FGF13: variants seen among roughly 807,000 people sequenced by gnomAD.
The protein encoded by FGF13 is fibroblast growth factor 13.
A neutral mutation model predicts 19.5 loss-of-function variants in FGF13; 2 were observed. The ratio of observed to expected loss-of-function variants is 0.10; its 90% CI spans 0.04 to 0.32. The LOEUF (loss-of-function observed/expected upper bound fraction) is 0.32, where lower values mean the gene tolerates loss of function less well. Ranked by LOEUF, FGF13 falls within the 10% of genes least tolerant of loss-of-function variation. FGF13 has a pLI of 1.00. For missense variants in FGF13, 113 were observed against 192.7 expected (o/e 0.59, Z 2.45); for synonymous variants, 72 against 76.9 (o/e 0.94, Z 0.33).
At chrX:138,878,319 A>T (rs1385150268) in intron 1 of FGF13, among the ~76,000 whole-genome samples, 1 of 68,569 alleles carries the variant, frequency 1.5e-5, no homozygotes, top group Non-Finnish European at 2.6e-5. Context: ...ACCCCACAAC[A>T]GTCCCCAGAG....
At chrX:139,204,626 A>G (rs1192273286), upstream of FGF13, among the ~76,000 whole-genome samples, 2 of 113,053 alleles carry the variant, frequency 1.8e-5, no homozygotes, top group African/African-American at 6.4e-5. Flanking sequence ...GCGGGCCGCC[A>G]ACTCGATCAA....
intron 2 of FGF13, among the ~76,000 whole-genome samples, chrX:138,705,883 C>G: frequency 8.9e-6 from 1 of 112,565 alleles, no homozygotes; most frequent in Non-Finnish European, 1.9e-5. Context: ...AAAACACATT[C>G]ATTAAATACC....
At chrX:138,742,785 T>C (rs759339190), upstream of FGF13, among the ~76,000 whole-genome samples, 1 of 112,144 alleles carries the variant, frequency 8.9e-6, no homozygotes, top group African/African-American at 3.2e-5. Flanking sequence ...GATTTAATCA[T>C]TTCCTATTAA....
intron 1 of FGF13, among the ~76,000 whole-genome samples, chrX:139,106,055 G>T (rs2083557908): frequency 8.9e-6 from 1 of 112,197 alleles, no homozygotes; most frequent in African/African-American, 3.2e-5. Context: ...GAGATAGAGT[G>T]ACACTGCATG....
At chrX:139,123,185 C>T (rs2124473351) in intron 1 of FGF13, among the ~76,000 whole-genome samples, 1 of 111,785 alleles carries the variant, frequency 8.9e-6, no homozygotes, top group South Asian at 3.8e-4. Context: ...ACCTCTGCCT[C>T]CCACAAGTTT....
In FGF13 at chrX:138,960,134, C is replaced by T. The variant is rs769830969; in HGVS notation, c.-112-95484G>A. Among the ~76,000 whole-genome samples the T allele has an allele frequency of 1.3e-4, 14 of 111,790 alleles. No individual in the cohort carries two copies. The East Asian group carries it at 2.0e-3, about 16-fold the overall frequency. On this transcript the variant is annotated intron_variant, in intron 1 of 2. Coordinates refer to the FGF13 transcript ENST00000421460. ...CCTAGCTTCAATGGTCTTTACAATT[C>T]GGCATGTTTTTGCAGTGGCTGGTAC...
chrX:138,894,882 T>C (rs2091495350), intron 1 of FGF13, among the ~76,000 whole-genome samples: 1 of 111,576 alleles, frequency 9.0e-6, no homozygotes, highest in South Asian at 3.8e-4. Context: ...TAGACCAATA[T>C]CCCTGATGAA....
intron 1 of FGF13, among the ~76,000 whole-genome samples, chrX:139,058,680 A>C (rs192761537): frequency 8.9e-6 from 1 of 112,222 alleles, no homozygotes; most frequent in East Asian, 2.8e-4. Context: ...TAAATCAATA[A>C]TTGCATCAGA....
At position 139,038,545 on chromosome X, in the gene FGF13, G is replaced by A. The variant is rs148572168; in HGVS notation, c.-113+164871C>T. On this transcript the variant is annotated intron_variant, in intron 1 of 2. Coordinates refer to the FGF13 transcript ENST00000421460. ...ATAGGTATATTCTCTCAAAAAAATC[G>A]GGACATCAGGCTTCTTTTAGCTCAT... Among the ~76,000 whole-genome samples the A allele has an allele frequency of 9.5e-3, 1,056 of 111,226 alleles. 10 individuals carry two copies. Among genetic ancestry groups the A allele is most frequent in the African/African-American group, 0.032 (981 of 30,667 alleles).
chrX:138,839,630 T>C (rs2091136259), intron 3 of FGF13, among the ~76,000 whole-genome samples: 1 of 112,029 alleles, frequency 8.9e-6, no homozygotes, highest in Admixed American at 9.5e-5. Context: ...TTTGAATGCA[T>C]ACATATGCAG....
At chrX:139,183,467 G>GC (rs751092890) in intron 1 of FGF13, among the ~76,000 whole-genome samples, 1 of 111,858 alleles carries the variant, frequency 8.9e-6, no homozygotes, top group Non-Finnish European at 1.9e-5. Context: ...GTGGGCAGAT[G>GC]CCCCATGAAT....
intron 1 of FGF13, among the ~76,000 whole-genome samples, chrX:139,064,220 T>C (rs1268094029): frequency 9.1e-6 from 1 of 109,808 alleles, no homozygotes; most frequent in Non-Finnish European, 1.9e-5. Flanking sequence ...TCAACATTTC[T>C]CTGTCATTAT....
chrX:138,819,076 G>A (rs1474287415), intron 3 of FGF13, among the ~76,000 whole-genome samples: 3 of 110,842 alleles, frequency 2.7e-5, no homozygotes, highest in African/African-American at 9.8e-5. Flanking sequence ...TTTTTTTTCG[G>A]AAGCCCCATT....
chrX:138,799,637 T>A (rs960773713), intron 3 of FGF13, among the ~76,000 whole-genome samples: 3 of 111,359 alleles, frequency 2.7e-5, no homozygotes, highest in Non-Finnish European at 3.8e-5. Flanking sequence ...GTCTCATTGA[T>A]CTGTCTAATA....
intron 1 of FGF13, among the ~76,000 whole-genome samples, chrX:138,921,615 C>T (rs990797885): frequency 7.2e-5 from 8 of 111,083 alleles, no homozygotes; most frequent in African/African-American, 2.6e-4. Context: ...GGTTTCTCTA[C>T]TTGTCCTTTT....
intron 1 of FGF13, among the ~76,000 whole-genome samples, chrX:138,916,906 A>T (rs2091620659): frequency 8.9e-6 from 1 of 111,899 alleles, no homozygotes; most frequent in Non-Finnish European, 1.9e-5. Flanking sequence ...TTACTAAATC[A>T]GATTATCCCT....
chrX:139,161,849 G>A (rs769127044), intron 1 of FGF13, among the ~76,000 whole-genome samples: 2 of 111,873 alleles, frequency 1.8e-5, no homozygotes, highest in South Asian at 7.5e-4. Context: ...TTAAAGGGAT[G>A]TGAAGGACCT....
chrX:138,658,600 T>A (rs1271508271), intron 3 of FGF13, among the ~76,000 whole-genome samples: 5 of 111,897 alleles, frequency 4.5e-5, no homozygotes, highest in African/African-American at 1.6e-4. Flanking sequence ...CATTTGAACA[T>A]TCGAGTGTCG....
intron 1 of FGF13, among the ~76,000 whole-genome samples, chrX:139,176,775 CTGTT>C (rs773348888): frequency 3.7e-4 from 41 of 111,873 alleles, no homozygotes; most frequent in African/African-American, 1.2e-3. Flanking sequence ...GTCTGAGAGA[CTGTT>C]TGTTGTGATT....
Sources: gnomAD v4.1 joint callset for allele counts (sites outside exome capture counted in the v4.1 genomes callset) on GRCh38, gnomAD v4.1.1 for gene constraint, MANE v1.5 for transcripts, NCBI Gene and HGNC (gene_info 2026-07-23, HGNC 2026-07-21) for gene names.